Variants in CNTN4 observed in about 807,000 individuals in gnomAD.
CNTN4 encodes the protein contactin-4.
Under a neutral mutation model 122.5 loss-of-function variants are expected in CNTN4, and 77 were observed. The observed-to-expected ratio is 0.63, with a 90% CI of 0.52 to 0.76. The LOEUF is 0.76. Ranked by LOEUF, CNTN4 falls within the 30% of genes least tolerant of loss-of-function variation. CNTN4 has a pLI of 0.00. For missense variants in CNTN4, 1,256 were observed against 1,259.1 expected (o/e 1.00, Z 0.04); for synonymous variants, 512 against 447.0 (o/e 1.15, Z -1.83).
At chr3:2,898,306 T>C (rs1322589126) in intron 10 of CNTN4, among the ~76,000 whole-genome samples, 1 of 152,202 alleles carries the variant, frequency 6.6e-6, no homozygotes, top group Non-Finnish European at 1.5e-5. Context: ...TTGTCTTCTA[T>C]GAATTAATTT....
At chr3:2,258,769 T>G (rs1209983596) in intron 2 of CNTN4, among the ~76,000 whole-genome samples, 1 of 152,044 alleles carries the variant, frequency 6.6e-6, no homozygotes, top group African/African-American at 2.4e-5. Flanking sequence ...TCTGAGTTCC[T>G]AACCTTTTTA....
intron 3 of CNTN4, among the ~76,000 whole-genome samples, chr3:2,560,164 G>T: frequency 6.7e-6 from 1 of 149,016 alleles, no homozygotes. Flanking sequence ...TTTTAAGACA[G>T]GGTTTCACTC....
chr3:2,772,476 G>A (rs1340129679), intron 6 of CNTN4, among the ~76,000 whole-genome samples: 1 of 152,058 alleles, frequency 6.6e-6, no homozygotes, highest in Non-Finnish European at 1.5e-5. Context: ...TAATGTCTTG[G>A]ATGGTGGGGT....
rs184303649 is a variant in CNTN4, at chr3:2,523,044, A to G, written c.-88-48372A>G. Among the ~76,000 whole-genome samples, 90 of 152,166 alleles carry G rather than the reference A, an allele frequency of 5.9e-4. 2 individuals are homozygous for G. The East Asian group carries it at 0.014, about 24-fold the overall frequency. ...TTTGCCTGACATCTGAGTCTTGTAG[A>G]TAGTTATTTAAAGATATGTGAAGTA... On this transcript the variant is annotated intron_variant, in intron 3 of 24. Transcript: ENST00000418658.
intron 4 of CNTN4, among the ~76,000 whole-genome samples, chr3:2,609,089 G>C (rs994962918): frequency 6.6e-6 from 1 of 152,202 alleles, no homozygotes; most frequent in African/African-American, 2.4e-5. Flanking sequence ...GGCTTTCTTA[G>C]AGAATAAATA....
chr3:2,679,537 C>A (rs1481187336), intron 4 of CNTN4, among the ~76,000 whole-genome samples: 12 of 152,092 alleles, frequency 7.9e-5, no homozygotes, highest in African/African-American at 2.2e-4. Flanking sequence ...AAAAGAATAG[C>A]CAGAATAAAG....
chr3:3,027,606 T>A (rs973612597), intron 15 of CNTN4, among the ~76,000 whole-genome samples: 14 of 152,194 alleles, frequency 9.2e-5, no homozygotes, highest in Admixed American at 1.3e-4. Flanking sequence ...TAACATTGAT[T>A]GTAATAACAG....
At chr3:2,640,224 C>T (rs542650942) in intron 4 of CNTN4, among the ~76,000 whole-genome samples, 67 of 152,250 alleles carry the variant, frequency 4.4e-4, no homozygotes, top group Admixed American at 1.1e-3. Context: ...GTTGAAGAGT[C>T]TAAATTGAGT....
At chr3:2,317,252 C>G (rs1251818515) in intron 2 of CNTN4, among the ~76,000 whole-genome samples, 1 of 152,194 alleles carries the variant, frequency 6.6e-6, no homozygotes, top group African/African-American at 2.4e-5. Flanking sequence ...TATCTGAATT[C>G]AATTAACAGT....
At position 3,038,332 on chromosome 3, in the gene CNTN4, T is replaced by A. The variant is rs192794072; in HGVS notation, c.2093-601T>A. Among the ~76,000 whole-genome samples the A allele has an allele frequency of 3.4e-3, 511 of 152,266 alleles. 2 individuals are homozygous for A. The highest frequency in any genetic ancestry group is 0.012 in the African/African-American group (494 of 41,546). On this transcript the variant is annotated intron_variant, in intron 18 of 24. Coordinates refer to ENST00000418658, the MANE Select transcript of CNTN4 (RefSeq NM_175607.3). ...AAACTGGTGATCAAAGAGGTTAAGC[T>A]CAGTGAGCCGGGGGTCAACTTCTGT... is the stretch of plus-strand genomic sequence containing the variant.
chr3:2,669,209 T>C (rs1253290016), intron 4 of CNTN4, among the ~76,000 whole-genome samples: 1 of 152,214 alleles, frequency 6.6e-6, no homozygotes, highest in African/African-American at 2.4e-5. Context: ...CGGCTGTGAA[T>C]CCATCTGGTC....
rs575114722 is a variant in CNTN4 at position 2,526,490 on chromosome 3, T to C, written c.-88-44926T>C. On this transcript the variant is annotated intron_variant, in intron 3 of 24. Transcript: ENST00000418658. The stretch of plus-strand genomic sequence containing the variant: ...TTGAAGTTTATGAATGAAGGAAATA[T>C]AGTTGTATAAAAGCAAAAAATGTGA... Among the ~76,000 whole-genome samples, 11 of 152,252 alleles carry C rather than the reference T, an allele frequency of 7.2e-5. 1 individual carries two copies. The South Asian group carries it at 2.3e-3, about 32-fold the overall frequency.
rs567190681 is a variant in CNTN4 at position 2,933,058 on chromosome 3, G to A, written c.1358+7279G>A. The stretch of plus-strand genomic sequence containing the variant: ...AGGATGGTCTCGATCTCCTGACCTC[G>A]TGATCCGCCCGCCTCGGCCTCCCAA... On this transcript the variant is annotated intron_variant, in intron 13 of 24. Transcript: ENST00000418658. Among the ~76,000 whole-genome samples the A allele has an allele frequency of 2.0e-3, 298 of 152,138 alleles. 2 individuals carry two copies. The highest frequency in any genetic ancestry group is 4.5e-3 in the Admixed American group (68 of 15,278).
intron 6 of CNTN4, among the ~76,000 whole-genome samples, chr3:2,759,393 C>A (rs371764598): frequency 6.6e-6 from 1 of 151,952 alleles, no homozygotes; most frequent in Non-Finnish European, 1.5e-5. Context: ...GTGATCTGCC[C>A]GCCTCGGCCT....
intron 6 of CNTN4, among the ~76,000 whole-genome samples, chr3:2,793,198 G>A (rs2092067138): frequency 6.6e-6 from 1 of 152,066 alleles, no homozygotes; most frequent in African/African-American, 2.4e-5. Context: ...TTGCTGGAAA[G>A]AAAGTTCACA....
At chr3:2,140,898 G>A (rs756997424) in intron 2 of CNTN4, among the ~76,000 whole-genome samples, 9 of 151,956 alleles carry the variant, frequency 5.9e-5, no homozygotes, top group Non-Finnish European at 1.2e-4. Flanking sequence ...TCATTGTGTC[G>A]GAACATCTTT....
At chr3:2,554,397 A>G (rs575770468) in intron 3 of CNTN4, among the ~76,000 whole-genome samples, 4 of 152,232 alleles carry the variant, frequency 2.6e-5, no homozygotes, top group South Asian at 2.1e-4. Flanking sequence ...ACAAAGTACC[A>G]CTGGTCAGCT....
chr3:2,243,825 G>T (rs2040036395), intron 2 of CNTN4, among the ~76,000 whole-genome samples: 1 of 152,076 alleles, frequency 6.6e-6, no homozygotes, highest in South Asian at 2.1e-4. Context: ...AGAGTAATCA[G>T]TGTTGAAGAC....
chr3:2,290,627 A>G, intron 2 of CNTN4, among the ~76,000 whole-genome samples: 1 of 152,222 alleles, frequency 6.6e-6, no homozygotes. Flanking sequence ...AATCAGAGAC[A>G]TGATGAAAGA....
Sources: allele counts gnomAD v4.1 joint callset (sites outside exome capture counted in the v4.1 genomes callset), GRCh38; gene constraint gnomAD v4.1.1; transcripts MANE v1.5; gene names NCBI Gene and HGNC (gene_info 2026-07-23, HGNC 2026-07-21).